The following NANS variants were observed in gnomAD, a reference collection of about 807,000 sequenced individuals.
The protein encoded by NANS is N-acetylneuraminate synthase.
Under a neutral mutation model 33.3 loss-of-function variants are expected in NANS, and 29 were observed. That is an observed-to-expected ratio of 0.87 (90% CI 0.65 to 1.19). The LOEUF (loss-of-function observed/expected upper bound fraction) is 1.19. Ranked by LOEUF, NANS falls within the 50% of genes most tolerant of loss-of-function variation. The pLI is 0.00. For missense variants in NANS, 394 were observed against 461.1 expected (o/e 0.85, Z 1.33); for synonymous variants, 163 against 177.2 (o/e 0.92, Z 0.64).
intron 2 of NANS, among the ~76,000 whole-genome samples, chr9:98,065,465 CA>C (rs1829114265): frequency 6.8e-6 from 1 of 148,042 alleles, no homozygotes; most frequent in Non-Finnish European, 1.5e-5. Context: ...TACAGGCGTC[CA>C]CCACCATGCC....
chr9:98,060,728 CT>C (rs1587903548), intron 1 of NANS, 53 bp from the exon 2 acceptor site: 3 of 1,566,874 alleles, frequency 1.9e-6, no homozygotes, highest in Non-Finnish European at 1.8e-6. Flanking sequence ...GAATTTTTTC[CT>C]TTTTTTGAGA....
At chr9:98,065,387 G>T (rs772477356) in intron 2 of NANS, among the ~76,000 whole-genome samples, 42 of 143,444 alleles carry the variant, frequency 2.9e-4, no homozygotes, top group Non-Finnish European at 5.1e-4. Context: ...TGCAATCTCG[G>T]CTCACTGCGA....
At chr9:98,064,907 G>A (rs1020399762) in intron 2 of NANS, among the ~76,000 whole-genome samples, 5 of 152,324 alleles carry the variant, frequency 3.3e-5, no homozygotes, top group Non-Finnish European at 7.3e-5. Context: ...CTGGGCCCAA[G>A]AGCTGCCTTG....
chr9:98,060,164 C>A lies in NANS; in HGVS notation c.133-618C>A, dbSNP rs547216700. The stretch of plus-strand genomic sequence containing the variant: ...CTCAGTTATATAACTTAAAATCTTC[C>A]TTAACTCTTTGATCCAATGTTTTTA... On this transcript the variant is annotated intron_variant, in intron 1 of 5. Transcript: ENST00000210444. 3.9e-5 allele frequency among the ~76,000 whole-genome samples: 6 copies of A among 152,234 alleles called. No individual in the cohort carries two copies. In the South Asian group the frequency reaches 1.2e-3, roughly 32 times the overall value.
chr9:98,072,226 A>C lies in NANS; in HGVS notation c.349-4692A>C, dbSNP rs144546296. ...CTATCTGGAGGATTCAGGGAGCTAA[A>C]CCCGTGGGGTGCCAGCACAGGGCCA... is the stretch of plus-strand genomic sequence containing the variant. On this transcript the variant is annotated intron_variant, in intron 2 of 5. Coordinates refer to ENST00000210444, the MANE Select transcript of NANS (RefSeq NM_018946.4). Among the ~76,000 whole-genome samples, 971 of 151,904 alleles carry C rather than the reference A, an allele frequency of 6.4e-3. 6 individuals carry two copies. The highest frequency in any genetic ancestry group is 0.022 in the African/African-American group (918 of 41,436).
rs1279011365 is a variant in NANS, at chr9:98,065,364, G to GT, written c.348+4368dup. Among the ~76,000 whole-genome samples, 18 of 143,840 alleles carry GT rather than the reference G, an allele frequency of 1.3e-4. 1 individual carries two copies. The highest frequency in any genetic ancestry group is 4.5e-4 in the African/African-American group (17 of 37,778). 94.4% of individuals were successfully genotyped at this position (143,840 alleles called of 152,430 possible). On this transcript the variant is annotated intron_variant, in intron 2 of 5. Transcript: ENST00000210444. The stretch of plus-strand genomic sequence containing the variant: ...TTTCGTTATTGTTGCCCAGGCTGGA[G>GT]TGCAATCAATGGTGCAATCTCGGCT...
rs573750903 is a variant in NANS, at chr9:98,072,769, G to A, written c.349-4149G>A. Among the ~76,000 whole-genome samples the A allele has an allele frequency of 2.8e-3, 419 of 152,260 alleles. 3 individuals are homozygous for A. The Middle Eastern group carries it at 0.034, about 12-fold the overall frequency. ...AATTTACCTTGCCCTCTGTCAAACT[G>A]TTGGAGGTAGATTGGTTCCTTGTTC... On this transcript the variant is annotated intron_variant, in intron 2 of 5. Coordinates refer to ENST00000210444, the MANE Select transcript of NANS (RefSeq NM_018946.4).
intron 2 of NANS, among the ~76,000 whole-genome samples, chr9:98,063,908 A>C (rs1829058984): frequency 6.6e-6 from 1 of 152,054 alleles, no homozygotes; most frequent in Non-Finnish European, 1.5e-5. Context: ...TTGTTTCCTT[A>C]AGATGGCTTC....
At chr9:98,075,760 C>T (rs951047475) in intron 2 of NANS, 6 of 152,116 alleles carry the variant, frequency 3.9e-5, no homozygotes, top group African/African-American at 1.4e-4. Flanking sequence ...TACTCTTGTG[C>T]TGATGGTAGC....
chr9:98,068,132 T>C (rs927404624), intron 2 of NANS, among the ~76,000 whole-genome samples: 5 of 152,160 alleles, frequency 3.3e-5, no homozygotes, highest in Non-Finnish European at 7.4e-5. Context: ...GTTTAAAAAT[T>C]TCTCATTTAT....
At chr9:98,078,059 C>A in intron 3 of NANS, 134 bp from the exon 4 acceptor site, 1 of 1,337,156 alleles carries the variant, frequency 7.5e-7, no homozygotes, top group Non-Finnish European at 1.0e-6. Context: ...TGTTCCCCCA[C>A]AGGGGCTGGC....
At chr9:98,060,750 G>C in intron 1 of NANS, 32 bp from the exon 2 acceptor site, 1 of 1,604,296 alleles carries the variant, frequency 6.2e-7, no homozygotes, top group Non-Finnish European at 8.5e-7. Flanking sequence ...ATCTACGACA[G>C]TCACTGAAAG....
At chr9:98,065,400 TC>T (rs1220664918) in intron 2 of NANS, among the ~76,000 whole-genome samples, 2 of 147,256 alleles carry the variant, frequency 1.4e-5, no homozygotes, top group Middle Eastern at 3.5e-3. Flanking sequence ...CACTGCGACT[TC>T]CGCCTCCTGG....
intron 4 of NANS, among the ~76,000 whole-genome samples, chr9:98,079,462 C>T (rs1180524788): frequency 2.2e-5 from 2 of 92,250 alleles, no homozygotes; most frequent in East Asian, 2.2e-4. Flanking sequence ...TGTTGTTATA[C>T]AGCCATTAAC....
chr9:98,066,292 A>G (rs938958469), intron 2 of NANS, among the ~76,000 whole-genome samples: 2 of 152,184 alleles, frequency 1.3e-5, no homozygotes, highest in African/African-American at 4.8e-5. Context: ...AGGTCCACAA[A>G]GGCAAAGCTA....
At chr9:98,064,861 G>A (rs1427173027) in intron 2 of NANS, among the ~76,000 whole-genome samples, 1 of 152,184 alleles carries the variant, frequency 6.6e-6, no homozygotes, top group African/African-American at 2.4e-5. Flanking sequence ...CACCACGCTC[G>A]GTACCAGTTC....
chr9:98,060,528 G>A (rs1828943033), intron 1 of NANS, among the ~76,000 whole-genome samples: 1 of 152,160 alleles, frequency 6.6e-6, no homozygotes, highest in Admixed American at 6.5e-5. Flanking sequence ...AAATTAGCCG[G>A]GTGTCGTGGT....
chr9:98,066,596 T>C (rs373391498), intron 2 of NANS, among the ~76,000 whole-genome samples: 295 of 152,066 alleles, frequency 1.9e-3, no homozygotes, highest in African/African-American at 6.8e-3. Context: ...AAAAACTACC[T>C]ATTAGCAGCA....
intron 3 of NANS, among the ~76,000 whole-genome samples, 166 bp downstream of exon 3, chr9:98,077,183 G>T (rs1431085447): frequency 1.3e-5 from 2 of 151,922 alleles, no homozygotes; most frequent in Non-Finnish European, 1.5e-5. Context: ...GGTTGGTCTT[G>T]AACTCCTGGC....
Sources: gnomAD v4.1 joint callset for allele counts (sites outside exome capture counted in the v4.1 genomes callset) on GRCh38, gnomAD v4.1.1 for gene constraint, MANE v1.5 for transcripts, NCBI Gene and HGNC (gene_info 2026-07-23, HGNC 2026-07-21) for gene names.